The following PURG variants were observed in gnomAD, a reference collection of about 807,000 sequenced individuals.
The protein encoded by PURG is purine rich element binding protein G.
A neutral mutation model predicts 24.3 loss-of-function variants in PURG; 3 were observed. That is an observed-to-expected ratio of 0.12 (90% CI 0.06 to 0.32). The LOEUF (loss-of-function observed/expected upper bound fraction) is 0.32, where lower values mean the gene tolerates loss of function less well. Ranked by LOEUF, PURG falls within the 10% of genes least tolerant of loss-of-function variation. The probability of loss-of-function intolerance (pLI) is 1.00; values close to 1 mark genes in which losing one functional copy is unlikely to be tolerated. For missense variants in PURG, 371 were observed against 439.1 expected, an observed-to-expected ratio of 0.84 and a Z score of 1.39; for synonymous variants, 180 against 173.1, an observed-to-expected ratio of 1.04 and a Z score of -0.31.
downstream of PURG, among the ~76,000 whole-genome samples, chr8:31,027,242 C>T (rs1341837561): frequency 6.6e-6 from 1 of 151,664 alleles, no homozygotes; most frequent in African/African-American, 2.4e-5. Flanking sequence ...ATGTTAACTC[C>T]TCTTTGTATG....
intron 1 of PURG, among the ~76,000 whole-genome samples, chr8:31,018,463 C>T (rs999882925): frequency 1.2e-4 from 18 of 152,070 alleles, no homozygotes; most frequent in African/African-American, 4.3e-4. Context: ...TAAAGTTTGC[C>T]CTAATGTTGA....
intron 1 of PURG, among the ~76,000 whole-genome samples, chr8:31,015,327 AT>A (rs906418167): frequency 2.0e-5 from 3 of 152,124 alleles, no homozygotes; most frequent in South Asian, 2.1e-4. Context: ...TATGCTATGC[AT>A]TTTTTTAACC....
chr8:31,016,061 A>G (rs1298656618), intron 1 of PURG, among the ~76,000 whole-genome samples: 1 of 152,020 alleles, frequency 6.6e-6, no homozygotes, highest in Non-Finnish European at 1.5e-5. Context: ...TCAAAAACAA[A>G]CAAACAAACA....
intron 1 of PURG, among the ~76,000 whole-genome samples, chr8:31,025,275 A>C (rs1040809036): frequency 1.3e-5 from 2 of 152,020 alleles, no homozygotes; most frequent in Non-Finnish European, 2.9e-5. Context: ...ATTTAAGCAA[A>C]ATTCATTCCT....
intron 1 of PURG, among the ~76,000 whole-genome samples, chr8:31,002,667 A>G (rs1810561185): frequency 6.6e-6 from 1 of 152,042 alleles, no homozygotes; most frequent in Non-Finnish European, 1.5e-5. Flanking sequence ...TATTTTTCGT[A>G]GAGATGGTGT....
intron 1 of PURG, among the ~76,000 whole-genome samples, chr8:31,009,074 T>C (rs559161975): frequency 8.5e-5 from 13 of 152,346 alleles, no homozygotes; most frequent in African/African-American, 3.1e-4. Flanking sequence ...TTTATAACTA[T>C]ATGATAATTT....
At chr8:30,996,614 A>T in exon 2 of PURG, 1 of 1,609,152 alleles carries the variant, frequency 6.2e-7, no homozygotes, top group Non-Finnish European at 8.5e-7. Flanking sequence ...CTGTTTTTGT[A>T]GTATCATGGG....
downstream of PURG, among the ~76,000 whole-genome samples, chr8:31,030,531 T>C (rs181848804): frequency 1.1e-4 from 16 of 152,134 alleles, no homozygotes; most frequent in East Asian, 2.1e-3. Context: ...GTGAGTCTTG[T>C]GTAAAGTCAG....
downstream of PURG, among the ~76,000 whole-genome samples, chr8:31,030,521 G>A (rs557756240): frequency 1.6e-3 from 238 of 152,042 alleles, 1 homozygote; most frequent in African/African-American, 5.4e-3. Flanking sequence ...AGGTAAATGG[G>A]TGAGTCTTGT....
chr8:31,030,513 G>A (rs1811172857), downstream of PURG, among the ~76,000 whole-genome samples: 2 of 151,948 alleles, frequency 1.3e-5, no homozygotes, highest in South Asian at 2.1e-4. Flanking sequence ...TTTAATACAG[G>A]TAAATGGGTG....
At chr8:31,023,651 T>G (rs1434821737) in intron 1 of PURG, among the ~76,000 whole-genome samples, 1 of 152,132 alleles carries the variant, frequency 6.6e-6, no homozygotes, top group East Asian at 1.9e-4. Flanking sequence ...CTTTGACGTT[T>G]CTTAAGGCTA....
At chr8:31,023,384 TAAAC>T (rs1478760628) in intron 1 of PURG, among the ~76,000 whole-genome samples, 2 of 152,094 alleles carry the variant, frequency 1.3e-5, no homozygotes, top group African/African-American at 4.8e-5. Context: ...GAGTCTCTGA[TAAAC>T]AAATAGGCAC....
rs982699790 is a variant in PURG, at chr8:31,010,951, G to T, written c.865-14254C>A. On this transcript the variant is annotated intron_variant, in intron 1 of 1. Transcript: ENST00000339382. The stretch of plus-strand genomic sequence containing the variant: ...AAATTTTTGGTACTCATGATTAACT[G>T]AATTTATCTATTAATTGTCTTCATT... Among the ~76,000 whole-genome samples the T allele has an allele frequency of 3.3e-5, 5 of 152,102 alleles. No homozygotes were observed. The East Asian group carries it at 9.6e-4, about 29-fold the overall frequency.
In PURG at chr8:31,032,148, A is replaced by T. The variant is rs756349318; in HGVS notation, c.635T>A (p.Phe212Tyr). ...MMRGTGMIGYFGHSLGQEQTI... is the reference protein window; with the variant it reads ...MMRGTGMIGYYGHSLGQEQTI... ...CTGTTCTTGGCCCAAACTGTGGCCAAAATAACCTATCATGCCAGTCCCCCG... is the reference window on the plus strand; with the variant it reads ...CTGTTCTTGGCCCAAACTGTGGCCATAATAACCTATCATGCCAGTCCCCCG... The change falls in exon 2 of 2, where the codon TTT becomes TAT. Residue 212 changes from phenylalanine (F) to tyrosine (Y), a missense_variant. Transcript: ENST00000523392. This position sits in a 1 kb window ranked among gnomAD's most constrained non-coding sequence, Gnocchi z 5.9. 1 of 1,614,222 alleles carries T rather than the reference A, an allele frequency of 6.2e-7. No individual in the cohort carries two copies. Among genetic ancestry groups the T allele is most frequent in the Non-Finnish European group, 8.5e-7 (1 of 1,180,044 alleles).
At chr8:31,002,909 C>T (rs1458349131) in intron 1 of PURG, among the ~76,000 whole-genome samples, 1 of 152,144 alleles carries the variant, frequency 6.6e-6, no homozygotes, top group African/African-American at 2.4e-5. Flanking sequence ...AAATTAATTA[C>T]TACAACCAAA....
rs572375177 is a variant in PURG at position 31,020,043 on chromosome 8, C to T, written c.864+11876G>A. Among the ~76,000 whole-genome samples the T allele has an allele frequency of 5.9e-5, 9 of 152,034 alleles. No individual in the cohort carries two copies. In the South Asian group the frequency reaches 8.3e-4, roughly 14 times the overall value. ...AAAATTAGCTGGGCGTGGTGGCACG[C>T]GCCTGTAATTCCAGCTACTCGGGAG... On this transcript the variant is annotated intron_variant, in intron 1 of 1. Coordinates refer to the PURG transcript ENST00000339382.
intron 1 of PURG, among the ~76,000 whole-genome samples, chr8:31,008,252 TTTGA>T (rs1301896666): frequency 6.6e-6 from 1 of 152,210 alleles, no homozygotes; most frequent in African/African-American, 2.4e-5. Context: ...TGTTAAATGC[TTTGA>T]TTATGTGACA....
intron 1 of PURG, among the ~76,000 whole-genome samples, chr8:31,012,863 A>T (rs1810790235): frequency 1.3e-5 from 2 of 152,228 alleles, no homozygotes. Flanking sequence ...TGATTGAAAT[A>T]GTAGTCCAAA....
intron 1 of PURG, among the ~76,000 whole-genome samples, chr8:31,016,872 G>A (rs1159228961): frequency 2.0e-5 from 3 of 152,178 alleles, no homozygotes; most frequent in Non-Finnish European, 4.4e-5. Context: ...AGAAGCAAAT[G>A]TAGAGTTTAA....
Sources: allele counts gnomAD v4.1 joint callset (sites outside exome capture counted in the v4.1 genomes callset), GRCh38; gene constraint gnomAD v4.1.1; non-coding constraint Gnocchi (gnomAD v3.1); transcripts MANE v1.5; gene names NCBI Gene and HGNC (gene_info 2026-07-23, HGNC 2026-07-21).